The following RABGAP1 variants were observed in gnomAD, a reference collection of about 807,000 sequenced individuals.
The protein encoded by RABGAP1 is RAB GTPase activating protein 1.
RABGAP1 carries 23 observed loss-of-function variants against 137.6 expected under a neutral mutation model. The ratio of observed to expected loss-of-function variants is 0.17; its 90% CI spans 0.12 to 0.24. The LOEUF is 0.24. Ranked by LOEUF, RABGAP1 falls within the 10% of genes least tolerant of loss-of-function variation. The pLI, the probability that RABGAP1 is intolerant of heterozygous loss-of-function variation, is 1.00. For synonymous variants in RABGAP1, 451 were observed against 450.7 expected (o/e 1.00, Z -0.01); for missense variants, 906 against 1,275.8 (o/e 0.71, Z 4.42).
At chr9:122,960,577 G>A (rs1177130143) in intron 2 of RABGAP1, among the ~76,000 whole-genome samples, 1 of 152,174 alleles carries the variant, frequency 6.6e-6, no homozygotes, top group Non-Finnish European at 1.5e-5. Flanking sequence ...TGTTGGTACT[G>A]TATATTATCT....
At chr9:123,007,702 C>T (rs2030423499) in intron 10 of RABGAP1, among the ~76,000 whole-genome samples, 1 of 151,048 alleles carries the variant, frequency 6.6e-6, no homozygotes, top group Non-Finnish European at 1.5e-5. Flanking sequence ...AGGCATGAGC[C>T]ATCATGCCTG....
intron 2 of RABGAP1, among the ~76,000 whole-genome samples, chr9:122,962,531 AT>A (rs1287544575): frequency 2.0e-5 from 3 of 152,148 alleles, no homozygotes; most frequent in African/African-American, 4.8e-5. Flanking sequence ...AAAAAAAAAA[AT>A]AATAAAAATA....
Position 123,075,864 on chromosome 9 carries a change from C to T in RABGAP1, c.2254-381C>T, listed in dbSNP as rs1203463215. ...GCAGATTCAGTTCTGGAATATAGGG[C>T]TTATCGACAGAGTGGTTGCTGTGCA... On this transcript the variant is annotated intron_variant, in intron 17 of 25. Coordinates refer to ENST00000373647, the MANE Select transcript of RABGAP1 (RefSeq NM_012197.4). 2.0e-5 allele frequency among the ~76,000 whole-genome samples: 3 copies of T among 152,112 alleles called. No individual in the cohort carries two copies. The East Asian group carries it at 5.8e-4, about 29-fold the overall frequency.
chr9:122,981,168 G>A (rs919739032), intron 2 of RABGAP1, among the ~76,000 whole-genome samples: 5 of 152,020 alleles, frequency 3.3e-5, no homozygotes, highest in African/African-American at 1.2e-4. Context: ...GGGACTACAG[G>A]TGCATGCCAC....
At chr9:122,955,276 C>T (rs1834450895) in intron 1 of RABGAP1, among the ~76,000 whole-genome samples, 1 of 152,138 alleles carries the variant, frequency 6.6e-6, no homozygotes, top group South Asian at 2.1e-4. Flanking sequence ...GTACGATTTG[C>T]TTCTGTTCTC....
intron 2 of RABGAP1, among the ~76,000 whole-genome samples, chr9:122,978,576 A>G (rs1469938255): frequency 1.3e-5 from 2 of 152,212 alleles, no homozygotes; most frequent in Non-Finnish European, 2.9e-5. Context: ...TTGAGGCTGC[A>G]GTGAGCTATG....
chr9:123,073,505 T>A (rs1045618498), intron 15 of RABGAP1, 47 bp from the exon 16 acceptor site: 1 of 1,573,842 alleles, frequency 6.4e-7, no homozygotes, highest in African/African-American at 1.4e-5. Context: ...GTTTTGTGAT[T>A]CCCCACCGCC....
rs2132121134 is a variant in RABGAP1, at chr9:123,065,424, G to A, written c.1871G>A (p.Gly624Glu). Residue 624 changes from glycine to glutamate, a missense_variant, in exon 14 of 26, where the codon GGA (glycine) becomes GAA (glutamate). This residue lies in a region of RABGAP1 where 30 missense variants were observed against 105.8 expected (regional missense o/e 0.28). Transcript: ENST00000373647. ...FPAHDYFKDT[G>E]GDGQDSLYKI... ...GCCCATGACTACTTTAAGGACACAG[G>A]AGGAGATGGACAAGATTCCTTATAT... The A allele has an allele frequency of 1.2e-6, 2 of 1,611,856 alleles. No individual in the cohort carries two copies. The highest frequency in any genetic ancestry group is 1.7e-5 in the Admixed American group (1 of 59,978).
chr9:122,984,165 C>CA (rs1836240639), intron 2 of RABGAP1, among the ~76,000 whole-genome samples: 1 of 152,146 alleles, frequency 6.6e-6, no homozygotes, highest in Non-Finnish European at 1.5e-5. Context: ...TCTTATCAGA[C>CA]AAAATTATAG....
At chr9:123,010,704 G>A (rs146044198) in intron 11 of RABGAP1, among the ~76,000 whole-genome samples, 176 bp downstream of exon 11, 6 of 152,196 alleles carry the variant, frequency 3.9e-5, no homozygotes, top group Admixed American at 2.6e-4. Flanking sequence ...TTAACATTGA[G>A]TTTTCTTTAA....
At chr9:123,027,101 T>C (rs952764923) in intron 13 of RABGAP1, among the ~76,000 whole-genome samples, 5 of 141,554 alleles carry the variant, frequency 3.5e-5, no homozygotes, top group Non-Finnish European at 6.1e-5. Flanking sequence ...ATTTCTTTCT[T>C]TCTTTTCTTT....
intron 13 of RABGAP1, among the ~76,000 whole-genome samples, chr9:123,040,659 T>G (rs1179094808): frequency 6.6e-6 from 1 of 152,092 alleles, no homozygotes; most frequent in East Asian, 1.9e-4. Flanking sequence ...ACATACTAGT[T>G]TTATGATTTT....
intron 12 of RABGAP1, among the ~76,000 whole-genome samples, chr9:123,018,262 G>A (rs558281770): frequency 6.6e-6 from 1 of 152,264 alleles, no homozygotes; most frequent in East Asian, 1.9e-4. Context: ...ACTGTTAATG[G>A]ATAAGAGAAC....
At chr9:122,993,277 A>G (rs1836840932) in intron 6 of RABGAP1, among the ~76,000 whole-genome samples, 1 of 151,976 alleles carries the variant, frequency 6.6e-6, no homozygotes, top group South Asian at 2.1e-4. Context: ...AATTATTATT[A>G]TTATTATTTT....
At chr9:122,993,907 A>G (rs1334727707) in intron 6 of RABGAP1, among the ~76,000 whole-genome samples, 1 of 152,062 alleles carries the variant, frequency 6.6e-6, no homozygotes, top group East Asian at 1.9e-4. Context: ...CAAATGATCC[A>G]CCTGCCTCGG....
rs1837079885 is a variant in RABGAP1, at chr9:122,997,332, T to G, written c.1175T>G (p.Phe392Cys). Residue 392 changes from phenylalanine to cysteine, a missense_variant, in exon 9 of 26, where the codon TTT (phenylalanine) becomes TGT (cysteine). Phe to Cys is a radical substitution (Grantham distance 205). Around this residue, in one of 9 missense-constraint regions of RABGAP1, gnomAD observed 212 missense variants for 289.4 expected, o/e 0.73. Coordinates refer to ENST00000373647, the MANE Select transcript of RABGAP1 (RefSeq NM_012197.4). The part of the protein sequence containing the change: ...TGSWNPKSPH[F>C]QVVNEETPKD... ...AGCTGGAATCCAAAATCCCCACATT[T>G]TCAAGTTGTAAATGAAGAAACTCCT... 6.2e-7 allele frequency: 1 copy of G among 1,610,350 alleles called. No homozygotes were observed. The highest frequency in any genetic ancestry group is 8.5e-7 in the Non-Finnish European group (1 of 1,177,844).
In RABGAP1 at chr9:122,957,042, G is replaced by T; in HGVS notation, c.-18G>T. On this transcript the variant is annotated 5_prime_UTR_variant, in exon 2 of 26. The change abolishes the stop of an existing upstream ORF in the 5' untranslated region. Transcript: ENST00000373647. ...AAAAATATTTAATCATTCATGTGTT[G>T]AGACTCATTCTTGAGTTATGGATGA... is the stretch of plus-strand genomic sequence containing the variant. 6.8e-7 allele frequency: 1 copy of T among 1,480,440 alleles called. No individual in the cohort carries two copies. Among genetic ancestry groups the T allele is most frequent in the South Asian group, 1.5e-5 (1 of 68,032 alleles). The allele number at this position is 1,480,440 out of a possible 1,614,324, so 91.7% of individuals were successfully genotyped here.
At position 123,101,556 on chromosome 9, in the gene RABGAP1, T is replaced by C; in HGVS notation, c.2890-10T>C. On this transcript the variant is annotated splice_polypyrimidine_tract_variant and intron_variant, in intron 24 of 25. Coordinates refer to ENST00000373647, the MANE Select transcript of RABGAP1 (RefSeq NM_012197.4). ...TTCTTTGCCTCTTCACATCTAACATTCAATTTCAGCAAAAAGTGGATGACT... is the reference window on the plus strand; with the variant it reads ...TTCTTTGCCTCTTCACATCTAACATCCAATTTCAGCAAAAAGTGGATGACT... 1 of 1,612,348 alleles carries C rather than the reference T, an allele frequency of 6.2e-7. No homozygotes were observed.
intron 6 of RABGAP1, among the ~76,000 whole-genome samples, chr9:122,992,346 C>T (rs911631772): frequency 2.0e-5 from 3 of 151,938 alleles, no homozygotes; most frequent in Admixed American, 2.0e-4. Context: ...GCCTTTTTTT[C>T]TTTATTGAAA....
Sources: allele counts gnomAD v4.1 joint callset (sites outside exome capture counted in the v4.1 genomes callset), GRCh38; gene constraint gnomAD v4.1.1; regional missense constraint gnomAD v4.1.1; transcripts MANE v1.5; gene names NCBI Gene and HGNC (gene_info 2026-07-23, HGNC 2026-07-21).